CCDC171: variants seen among roughly 807,000 people sequenced by gnomAD.
The protein encoded by CCDC171 is coiled-coil domain containing 171.
Under a neutral mutation model 168.2 loss-of-function variants are expected in CCDC171, and 177 were observed. The observed-to-expected ratio is 1.05, with a 90% confidence interval of 0.93 to 1.19. The LOEUF is 1.19. CCDC171 is among the 50% of genes most tolerant of loss of function. The pLI, the probability that CCDC171 is intolerant of heterozygous loss-of-function variation, is 0.00. For missense variants in CCDC171, 1,991 were observed against 1,539.0 expected, an observed-to-expected ratio of 1.29 and a Z score of -4.91; for synonymous variants, 687 against 540.8, an observed-to-expected ratio of 1.27 and a Z score of -3.75.
intron 18 of CCDC171, among the ~76,000 whole-genome samples, chr9:15,753,005 A>G (rs1028333685): frequency 8.5e-5 from 13 of 152,176 alleles, no homozygotes; most frequent in East Asian, 3.9e-4. Context: ...TATTTAATGT[A>G]TTTTTTCTTG....
At chr9:15,996,713 A>C (rs882780) in intron 3 of CCDC171, among the ~76,000 whole-genome samples, 12,451 of 152,102 alleles carry the variant, frequency 0.082, 1,680 homozygotes, top group African/African-American at 0.28. Flanking sequence ...AAGGATATAC[A>C]AGTATTATTA....
chr9:15,602,265 G>T (rs1460277241), intron 6 of CCDC171, among the ~76,000 whole-genome samples: 1 of 145,788 alleles, frequency 6.9e-6, no homozygotes, highest in Admixed American at 7.0e-5. Context: ...GGGATAGAGT[G>T]AAATTTTCTT....
intron 23 of CCDC171, among the ~76,000 whole-genome samples, chr9:15,860,653 C>G (rs563448151): frequency 6.4e-4 from 97 of 151,920 alleles, no homozygotes; most frequent in South Asian, 5.2e-3. Context: ...TCTATTAAGA[C>G]TTGTTTTGAC....
intron 23 of CCDC171, among the ~76,000 whole-genome samples, chr9:15,868,260 T>G (rs555035926): frequency 3.3e-5 from 5 of 152,016 alleles, no homozygotes; most frequent in African/African-American, 4.8e-5. Context: ...ACTTTTCAAA[T>G]TATGAGTTTC....
chr9:15,800,329 C>G (rs892170103), intron 21 of CCDC171, among the ~76,000 whole-genome samples: 2 of 152,132 alleles, frequency 1.3e-5, no homozygotes, highest in African/African-American at 4.8e-5. Flanking sequence ...GATGATACCT[C>G]ATTGTAATTT....
chr9:15,922,939 T>G (rs1426214361), intron 25 of CCDC171, among the ~76,000 whole-genome samples: 1 of 151,534 alleles, frequency 6.6e-6, no homozygotes, highest in Non-Finnish European at 1.5e-5. Flanking sequence ...TTGTTAGAGG[T>G]CCTTACTTAT....
intron 8 of CCDC171, among the ~76,000 whole-genome samples, chr9:15,663,743 C>T (rs2048501519): frequency 6.6e-6 from 1 of 151,544 alleles, no homozygotes; most frequent in Non-Finnish European, 1.5e-5. Flanking sequence ...GTAGCTGGGA[C>T]TGCAGGCGCC....
chr9:15,757,507 A>G (rs1042018727), intron 18 of CCDC171, among the ~76,000 whole-genome samples: 2 of 152,222 alleles, frequency 1.3e-5, no homozygotes, highest in African/African-American at 4.8e-5. Flanking sequence ...GCAGAGCATA[A>G]AAGTTCAGAG....
intron 3 of CCDC171, among the ~76,000 whole-genome samples, chr9:16,001,663 G>A (rs1436868428): frequency 2.0e-5 from 3 of 151,978 alleles, no homozygotes; most frequent in Non-Finnish European, 2.9e-5. Context: ...TCCTATAGCC[G>A]AGTGACATTG....
chr9:15,653,497 T>G (rs1389686977), intron 7 of CCDC171, among the ~76,000 whole-genome samples: 1 of 152,018 alleles, frequency 6.6e-6, no homozygotes, highest in African/African-American at 2.4e-5. Context: ...CCCTTAACTT[T>G]AATAACTTTG....
At chr9:15,691,898 G>C (rs1484810863) in intron 10 of CCDC171, among the ~76,000 whole-genome samples, 1 of 151,898 alleles carries the variant, frequency 6.6e-6, no homozygotes, top group Admixed American at 6.6e-5. Flanking sequence ...GGCTCACCTT[G>C]AACTCCTGGG....
chr9:15,976,876 G>A (rs12001192), downstream of CCDC171, among the ~76,000 whole-genome samples: 11,807 of 152,038 alleles, frequency 0.078, 1,504 homozygotes, highest in African/African-American at 0.27. Context: ...GTTTAATTTA[G>A]TGAGAGAAAG....
At chr9:15,562,862 G>A (rs770452402) in intron 1 of CCDC171, among the ~76,000 whole-genome samples, 5 of 150,884 alleles carry the variant, frequency 3.3e-5, no homozygotes, top group Non-Finnish European at 7.4e-5. Context: ...GGAGCGTGGT[G>A]ATAATGTGAC....
chr9:15,748,882 A>G (rs2055496087), intron 18 of CCDC171, among the ~76,000 whole-genome samples: 1 of 151,782 alleles, frequency 6.6e-6, no homozygotes, highest in African/African-American at 2.4e-5. Flanking sequence ...CCAAATTGTT[A>G]AGATGCTATG....
intron 25 of CCDC171, among the ~76,000 whole-genome samples, chr9:15,965,376 C>G (rs547971914): frequency 1.3e-5 from 2 of 152,146 alleles, no homozygotes; most frequent in Non-Finnish European, 2.9e-5. Flanking sequence ...TGAGGCTAGG[C>G]TATATCTTCT....
At chr9:16,038,117 A>C (rs575116004), upstream of CCDC171, among the ~76,000 whole-genome samples, 1 of 152,300 alleles carries the variant, frequency 6.6e-6, no homozygotes, top group East Asian at 1.9e-4. Context: ...AGATATTAAA[A>C]GTCAAGAAGA....
chr9:15,760,942 A>G (rs1026135005), intron 18 of CCDC171, among the ~76,000 whole-genome samples: 1 of 152,192 alleles, frequency 6.6e-6, no homozygotes. Context: ...CATTTACCTC[A>G]AACAGGGGAG....
intron 25 of CCDC171, among the ~76,000 whole-genome samples, chr9:15,928,929 T>C (rs1056858191): frequency 4.6e-5 from 7 of 151,678 alleles, no homozygotes; most frequent in Non-Finnish European, 1.0e-4. Flanking sequence ...TTCTAGAATT[T>C]TGTTTTATGT....
the CCDC171 span, among the ~76,000 whole-genome samples, chr9:16,088,813 C>A: frequency 1.3e-5 from 2 of 152,068 alleles, no homozygotes; most frequent in Non-Finnish European, 2.9e-5. Context: ...TCATTGCCAT[C>A]CTCATCAAGC....
Sources: allele counts gnomAD v4.1 joint callset (sites outside exome capture counted in the v4.1 genomes callset), GRCh38; gene constraint gnomAD v4.1.1; transcripts MANE v1.5; gene names NCBI Gene and HGNC (gene_info 2026-07-23, HGNC 2026-07-21).